Variants in LRRIQ3 observed in about 807,000 individuals in gnomAD.
LRRIQ3 encodes leucine rich repeats and IQ motif containing 3.
A neutral mutation model predicts 59.3 loss-of-function variants in LRRIQ3; 75 were observed. That is an observed-to-expected ratio of 1.26 (90% CI 1.05 to 1.53). The LOEUF (loss-of-function observed/expected upper bound fraction) is 1.53. Among genes scored for constraint, LRRIQ3 ranks in the 40% most tolerant of loss-of-function variants. The probability of loss-of-function intolerance (pLI) is 0.00; values close to 1 mark genes in which losing one functional copy is unlikely to be tolerated. For missense variants in LRRIQ3, 831 were observed against 710.0 expected (o/e 1.17, Z -1.94); for synonymous variants, 250 against 231.3 (o/e 1.08, Z -0.73).
intron 1 of LRRIQ3, among the ~76,000 whole-genome samples, chr1:74,189,657 A>G (rs1471763861): frequency 6.6e-6 from 1 of 152,090 alleles, no homozygotes; most frequent in African/African-American, 2.4e-5. Context: ...TGATGGTGGC[A>G]GTTTTCTCCA....
chr1:74,170,920 CT>C (rs1270286150), intron 3 of LRRIQ3, among the ~76,000 whole-genome samples: 1 of 151,942 alleles, frequency 6.6e-6, no homozygotes, highest in African/African-American at 2.4e-5. Context: ...GTATTTTATT[CT>C]TTCTGGTGCT....
chr1:74,193,030 G>C (rs963049105), intron 1 of LRRIQ3, among the ~76,000 whole-genome samples: 2 of 152,040 alleles, frequency 1.3e-5, no homozygotes, highest in African/African-American at 4.8e-5. Context: ...TGATTCTACT[G>C]CCTACCAAGG....
chr1:74,141,852 G>A (rs1186672831), intron 4 of LRRIQ3, among the ~76,000 whole-genome samples: 1 of 151,828 alleles, frequency 6.6e-6, no homozygotes, highest in Non-Finnish European at 1.5e-5. Context: ...GATAACTGGA[G>A]TATCAACTGA....
intron 6 of LRRIQ3, among the ~76,000 whole-genome samples, chr1:74,054,695 A>C (rs1654469185): frequency 6.7e-6 from 1 of 150,104 alleles, no homozygotes; most frequent in Non-Finnish European, 1.5e-5. Flanking sequence ...TATGAACAAA[A>C]ACTGTCCTAA....
intron 4 of LRRIQ3, among the ~76,000 whole-genome samples, chr1:74,148,274 G>C (rs778125055): frequency 9.9e-5 from 15 of 152,166 alleles, no homozygotes; most frequent in Non-Finnish European, 1.8e-4. Context: ...AATCTGGTGG[G>C]TGTAGTGGAG....
intron 5 of LRRIQ3, among the ~76,000 whole-genome samples, chr1:74,101,879 A>G (rs1339187172): frequency 6.6e-6 from 1 of 152,020 alleles, no homozygotes; most frequent in Non-Finnish European, 1.5e-5. Flanking sequence ...TGGACACAGG[A>G]AGGGGAACAT....
At chr1:74,060,571 G>C (rs917794102) in intron 6 of LRRIQ3, among the ~76,000 whole-genome samples, 1 of 151,924 alleles carries the variant, frequency 6.6e-6, no homozygotes, top group Non-Finnish European at 1.5e-5. Context: ...AATGTCATTT[G>C]TAATTTTTTT....
At chr1:74,033,067 G>C (rs1423045034) in intron 7 of LRRIQ3, among the ~76,000 whole-genome samples, 2 of 152,004 alleles carry the variant, frequency 1.3e-5, no homozygotes, top group Non-Finnish European at 2.9e-5. Flanking sequence ...AGTGGTGTTT[G>C]AATAGAAAGC....
chr1:74,149,145 T>C (rs940702532), intron 4 of LRRIQ3, among the ~76,000 whole-genome samples: 1 of 152,232 alleles, frequency 6.6e-6, no homozygotes, highest in East Asian at 1.9e-4. Context: ...TGAAATTTTC[T>C]TTCTTGTAAC....
At chr1:74,187,602 C>G (rs1650486273) in intron 1 of LRRIQ3, among the ~76,000 whole-genome samples, 1 of 151,984 alleles carries the variant, frequency 6.6e-6, no homozygotes, top group Admixed American at 6.6e-5. Flanking sequence ...TTGGGAGGGT[C>G]ACGAGGTATA....
At chr1:74,179,694 G>T (rs1457878420) in intron 3 of LRRIQ3, among the ~76,000 whole-genome samples, 1 of 151,832 alleles carries the variant, frequency 6.6e-6, no homozygotes, top group Admixed American at 6.6e-5. Context: ...AAAGAACTTT[G>T]CTTAGTGGAA....
intron 6 of LRRIQ3, 58 bp downstream of exon 6, chr1:74,074,603 T>C (rs1300176707): frequency 2.5e-6 from 2 of 810,144 alleles, no homozygotes; most frequent in East Asian, 7.7e-5. Context: ...CTAATTATAT[T>C]ATTTACTCTT....
rs143393689 is a variant in LRRIQ3 at position 74,069,295 on chromosome 1, A to C, written c.997+5366T>G. ...TTATAAAGGGTTAAAAATCACTAAC[A>C]GAACACACACTTTTAAGGTTTCAAT... On this transcript the variant is annotated intron_variant, in intron 6 of 7. Coordinates refer to ENST00000354431, the MANE Select transcript of LRRIQ3 (RefSeq NM_001105659.2). 1.0e-3 allele frequency among the ~76,000 whole-genome samples: 158 copies of C among 152,208 alleles called. 3 individuals carry two copies. The East Asian group carries it at 0.023, about 22-fold the overall frequency.
intron 5 of LRRIQ3, among the ~76,000 whole-genome samples, chr1:74,100,805 G>C (rs1646518343): frequency 6.6e-6 from 1 of 152,066 alleles, no homozygotes; most frequent in African/African-American, 2.4e-5. Flanking sequence ...ACAAGAAATG[G>C]GGAAAGGATT....
intron 6 of LRRIQ3, among the ~76,000 whole-genome samples, chr1:74,068,653 A>G (rs1396171814): frequency 6.6e-6 from 1 of 152,082 alleles, no homozygotes; most frequent in Non-Finnish European, 1.5e-5. Context: ...ATACAAAAAC[A>G]AAATACATTT....
intron 7 of LRRIQ3, among the ~76,000 whole-genome samples, chr1:74,036,997 T>C (rs191174843): frequency 2.8e-4 from 42 of 152,316 alleles, no homozygotes; most frequent in East Asian, 1.7e-3. Flanking sequence ...TTAGAAAAAA[T>C]ATACATTGCT....
chr1:74,166,831 C>T (rs534547323), intron 3 of LRRIQ3, among the ~76,000 whole-genome samples: 3 of 151,570 alleles, frequency 2.0e-5, no homozygotes, highest in South Asian at 2.1e-4. Context: ...TACAAATGGC[C>T]GACAAACATA....
At chr1:74,156,889 G>A (rs948842516) in intron 3 of LRRIQ3, among the ~76,000 whole-genome samples, 1 of 152,048 alleles carries the variant, frequency 6.6e-6, no homozygotes, top group African/African-American at 2.4e-5. Flanking sequence ...TTGAATGTAA[G>A]ATAATGCATT....
intron 5 of LRRIQ3, among the ~76,000 whole-genome samples, chr1:74,106,634 G>A (rs998603515): frequency 2.6e-5 from 4 of 151,948 alleles, no homozygotes; most frequent in African/African-American, 9.7e-5. Flanking sequence ...AAGCCCCGGT[G>A]GGGTATTAGT....
Sources: gnomAD v4.1 joint callset for allele counts (sites outside exome capture counted in the v4.1 genomes callset) on GRCh38, gnomAD v4.1.1 for gene constraint, MANE v1.5 for transcripts, NCBI Gene and HGNC (gene_info 2026-07-23, HGNC 2026-07-21) for gene names.